The following ABCD3 variants were observed in gnomAD, a reference collection of about 807,000 sequenced individuals.
ABCD3 encodes ATP binding cassette subfamily D member 3, also known as ATP-binding cassette sub-family D member 3.
In ABCD3, 41 loss-of-function variants were observed where a neutral mutation model predicts 105.5. The observed-to-expected ratio is 0.39, with a 90% CI of 0.30 to 0.50. The LOEUF is 0.50. ABCD3 is among the 20% of genes least tolerant of loss of function. The pLI is 0.84. For synonymous variants in ABCD3, 258 were observed against 269.0 expected (o/e 0.96, Z 0.40); for missense variants, 622 against 806.3 (o/e 0.77, Z 2.77).
chr1:94,475,528 G>A, intron 6 of ABCD3, 86 bp from the exon 7 acceptor site: 1 of 1,394,856 alleles, frequency 7.2e-7, no homozygotes, highest in Non-Finnish European at 1.0e-6. Context: ...ATGTATTTGA[G>A]CTAGGTGGTG....
intron 16 of ABCD3, among the ~76,000 whole-genome samples, chr1:94,494,841 G>A (rs1412217637): frequency 6.6e-6 from 1 of 152,172 alleles, no homozygotes; most frequent in Admixed American, 6.6e-5. Flanking sequence ...ATAGTACTTT[G>A]TCCAAGGTGG....
At chr1:94,482,901 T>A (rs1329509124) in intron 9 of ABCD3, 1 of 417,616 alleles carries the variant, frequency 2.4e-6, no homozygotes, top group Non-Finnish European at 4.4e-6. Context: ...TTCTGAGAAT[T>A]CGTGCAGTAT....
intron 21 of ABCD3, 83 bp from the exon 22 acceptor site, chr1:94,515,063 C>A: frequency 1.8e-6 from 2 of 1,083,030 alleles, no homozygotes; most frequent in Non-Finnish European, 2.8e-6. Context: ...TGAAGACTGT[C>A]CTCTTAACAG....
At chr1:94,397,878 G>A in the ABCD3 span, among the ~76,000 whole-genome samples, 1 of 152,034 alleles carries the variant, frequency 6.6e-6, no homozygotes, top group Admixed American at 6.6e-5. Context: ...CTACCATTCT[G>A]TTTCTCTTTA....
chr1:94,444,930 G>C (rs768655137), intron 1 of ABCD3, among the ~76,000 whole-genome samples: 1 of 152,172 alleles, frequency 6.6e-6, no homozygotes, highest in Non-Finnish European at 1.5e-5. Flanking sequence ...TGAGGGCAAG[G>C]GACACCTGGC....
chr1:94,470,113 G>A (rs1648377916), intron 4 of ABCD3, among the ~76,000 whole-genome samples: 1 of 152,086 alleles, frequency 6.6e-6, no homozygotes, highest in Non-Finnish European at 1.5e-5. Flanking sequence ...TTTGGCAGAT[G>A]CACTCTTTTT....
chr1:94,447,966 C>T (rs1328150088), intron 1 of ABCD3, among the ~76,000 whole-genome samples: 1 of 152,146 alleles, frequency 6.6e-6, no homozygotes, highest in Non-Finnish European at 1.5e-5. Context: ...TCTCACTAGC[C>T]CTTGGCAATT....
At chr1:94,475,338 C>T in intron 6 of ABCD3, 98 bp downstream of exon 6, 2 of 913,226 alleles carry the variant, frequency 2.2e-6, no homozygotes, top group Non-Finnish European at 3.3e-6. Flanking sequence ...TGTATGTTTT[C>T]TAAGAAAACC....
At chr1:94,408,547 T>C in the ABCD3 span, among the ~76,000 whole-genome samples, 7 of 151,744 alleles carry the variant, frequency 4.6e-5, no homozygotes, top group African/African-American at 9.7e-5. Flanking sequence ...TGAGCTGAGA[T>C]TGCGCCACTG....
At chr1:94,391,790 A>G in the ABCD3 span, among the ~76,000 whole-genome samples, 1 of 152,194 alleles carries the variant, frequency 6.6e-6, no homozygotes, top group Non-Finnish European at 1.5e-5. Flanking sequence ...ACAAAGTTAC[A>G]TCCTGTGCAA....
rs4148047 is a variant in ABCD3, at chr1:94,476,575, T to C, written c.627+838T>C. 2.1e-3 allele frequency among the ~76,000 whole-genome samples: 313 copies of C among 152,296 alleles called. 9 individuals are homozygous for C. The East Asian group carries it at 0.057, about 28-fold the overall frequency. On this transcript the variant is annotated intron_variant, in intron 7 of 22. Transcript: ENST00000370214. ...CCTCTGGTCACAGTTGACCTAGATA[T>C]ACAGTTTTGAGACAAAAGAAAACCA...
intron 20 of ABCD3, among the ~76,000 whole-genome samples, chr1:94,500,279 C>G (rs910708488): frequency 6.6e-5 from 10 of 150,994 alleles, no homozygotes; most frequent in Non-Finnish European, 1.5e-4. Flanking sequence ...CCTTTCTCTA[C>G]AAAAAAAAAT....
At chr1:94,395,879 CA>C in the ABCD3 span, among the ~76,000 whole-genome samples, 1 of 151,614 alleles carries the variant, frequency 6.6e-6, no homozygotes, top group South Asian at 2.1e-4. Flanking sequence ...GAGAGACAGA[CA>C]GAAAGAGAGA....
chr1:94,459,857 T>C (rs1247100748), intron 2 of ABCD3, among the ~76,000 whole-genome samples: 8 of 152,240 alleles, frequency 5.3e-5, no homozygotes, highest in Admixed American at 4.6e-4. Context: ...AATGAAATCA[T>C]ATAATATGTG....
intron 1 of ABCD3, among the ~76,000 whole-genome samples, chr1:94,436,066 C>T (rs1216479960): frequency 1.3e-5 from 2 of 152,134 alleles, no homozygotes; most frequent in Non-Finnish European, 2.9e-5. Context: ...CTAGAATCAG[C>T]TTTTTTTCCT....
intron 1 of ABCD3, among the ~76,000 whole-genome samples, chr1:94,426,647 A>C (rs1361008101): frequency 6.6e-6 from 1 of 150,960 alleles, no homozygotes; most frequent in Non-Finnish European, 1.5e-5. Context: ...GGTTCAAGTG[A>C]TTATCTTGCC....
chr1:94,451,683 G>A (rs1309722918), intron 1 of ABCD3, among the ~76,000 whole-genome samples: 6 of 152,084 alleles, frequency 3.9e-5, no homozygotes, highest in Non-Finnish European at 4.4e-5. Flanking sequence ...CTTAGCTTAC[G>A]GGATGTGAAA....
intron 20 of ABCD3, among the ~76,000 whole-genome samples, chr1:94,500,299 A>T (rs1200477070): frequency 2.6e-5 from 4 of 152,126 alleles, no homozygotes; most frequent in Non-Finnish European, 5.9e-5. Flanking sequence ...TTTAAAAATT[A>T]TCTGGGCGTA....
chr1:94,515,242 TTTTC>T, intron 22 of ABCD3, 40 bp downstream of exon 22: 1 of 1,499,216 alleles, frequency 6.7e-7, no homozygotes, highest in Non-Finnish European at 9.3e-7. Flanking sequence ...TGAAATTTTA[TTTTC>T]TTTAAAATAT....
Sources: allele counts gnomAD v4.1 joint callset (sites outside exome capture counted in the v4.1 genomes callset), GRCh38; gene constraint gnomAD v4.1.1; transcripts MANE v1.5; gene names NCBI Gene and HGNC (gene_info 2026-07-23, HGNC 2026-07-21).